Variants in DNM3 observed in about 807,000 individuals in gnomAD.
DNM3 encodes the protein dynamin 3.
A neutral mutation model predicts 101.6 loss-of-function variants in DNM3; 47 were observed. That is an observed-to-expected ratio of 0.46 (90% CI 0.37 to 0.59). The LOEUF (loss-of-function observed/expected upper bound fraction) is 0.59, where lower values mean the gene tolerates loss of function less well. DNM3 is among the 20% of genes least tolerant of loss of function. The pLI is 0.00. For synonymous variants in DNM3, 385 were observed against 387.9 expected (o/e 0.99, Z 0.09); for missense variants, 849 against 1,085.7 (o/e 0.78, Z 3.06).
chr1:171,905,190 T>A (rs1232011267), intron 1 of DNM3, among the ~76,000 whole-genome samples: 1 of 152,216 alleles, frequency 6.6e-6, no homozygotes, highest in Non-Finnish European at 1.5e-5. Flanking sequence ...CATGCATATG[T>A]TACTGTATAC....
intron 1 of DNM3, among the ~76,000 whole-genome samples, chr1:171,888,527 C>A (rs975146716): frequency 7.9e-5 from 12 of 152,064 alleles, no homozygotes; most frequent in African/African-American, 2.7e-4. Flanking sequence ...GCCTCCTGAC[C>A]TCGAGTAAAT....
At chr1:172,225,917 G>T (rs1323339680) in intron 14 of DNM3, among the ~76,000 whole-genome samples, 1 of 151,698 alleles carries the variant, frequency 6.6e-6, no homozygotes, top group African/African-American at 2.4e-5. Context: ...TCTACAATTT[G>T]ATTCTTTCAG....
chr1:172,361,311 G>A (rs976524154), intron 17 of DNM3, among the ~76,000 whole-genome samples: 1 of 151,982 alleles, frequency 6.6e-6, no homozygotes, highest in African/African-American at 2.4e-5. Context: ...AGGGAATGGT[G>A]ATGTCTGTCT....
chr1:172,138,817 C>T (rs767404661), intron 14 of DNM3: 4 of 457,346 alleles, frequency 8.7e-6, no homozygotes, highest in Non-Finnish European at 1.8e-5. Flanking sequence ...TGTCATGTGA[C>T]TGCCTGTCTG....
At chr1:172,387,443 G>A in intron 19 of DNM3, 84 bp downstream of exon 19, 1 of 1,097,120 alleles carries the variant, frequency 9.1e-7, no homozygotes, top group Non-Finnish European at 1.3e-6. Flanking sequence ...GGATCACGAG[G>A]TCAGGAGATC....
chr1:171,887,582 T>C (rs988308440), intron 1 of DNM3, among the ~76,000 whole-genome samples: 1 of 152,224 alleles, frequency 6.6e-6, no homozygotes, highest in African/African-American at 2.4e-5. Flanking sequence ...GATCTTTTTC[T>C]GATGATTTAT....
At chr1:172,274,717 G>A (rs2063212890) in intron 15 of DNM3, among the ~76,000 whole-genome samples, 1 of 115,236 alleles carries the variant, frequency 8.7e-6, no homozygotes, top group Admixed American at 1.1e-4. Context: ...ACCTTCTCTA[G>A]TGAAGGTTTT....
chr1:172,177,670 T>C (rs1244015118), intron 14 of DNM3, among the ~76,000 whole-genome samples: 1 of 151,266 alleles, frequency 6.6e-6, no homozygotes, highest in Non-Finnish European at 1.5e-5. Context: ...ACAATAGGAG[T>C]AAGGGAAGTA....
chr1:172,212,383 T>C (rs1207816170), intron 14 of DNM3, among the ~76,000 whole-genome samples: 2 of 152,168 alleles, frequency 1.3e-5, no homozygotes, highest in Non-Finnish European at 2.9e-5. Context: ...GTCAGGAGTT[T>C]TGAAGTTCTG....
intron 2 of DNM3, among the ~76,000 whole-genome samples, chr1:171,958,542 A>G (rs1187000641): frequency 6.6e-6 from 1 of 152,160 alleles, no homozygotes; most frequent in Non-Finnish European, 1.5e-5. Flanking sequence ...TTGGAGTGGG[A>G]TACACAAGGA....
Position 172,411,364 on chromosome 1 carries a change from A to C in DNM3, c.*3523A>C. On this transcript the variant is annotated 3_prime_UTR_variant, in exon 21 of 21. Coordinates refer to ENST00000627582, the MANE Select transcript of DNM3 (RefSeq NM_015569.5). ...GACATTTGTATCTGAATCCACAAGAAGATCTGAATCTAAGAAGGAATTACC... is the reference window on the plus strand; with the variant it reads ...GACATTTGTATCTGAATCCACAAGACGATCTGAATCTAAGAAGGAATTACC... The C allele has an allele frequency of 1.0e-6, 1 of 985,144 alleles. No individual in the cohort carries two copies. The highest frequency in any genetic ancestry group is 5.2e-4 in the Middle Eastern group (1 of 1,914). The allele number at this position is 985,144 out of a possible 1,614,324, so 61.0% of individuals were successfully genotyped here. A position where few individuals can be genotyped will look rare whatever the true frequency, so the allele number is the denominator to read the frequency against.
At chr1:172,394,576 C>CAAAT (rs1471957542) in intron 20 of DNM3, among the ~76,000 whole-genome samples, 1 of 152,186 alleles carries the variant, frequency 6.6e-6, no homozygotes, top group Admixed American at 6.5e-5. Context: ...CATCCCATGA[C>CAAAT]AAATAATAGC....
intron 2 of DNM3, among the ~76,000 whole-genome samples, chr1:171,945,561 A>T (rs776128997): frequency 6.6e-6 from 1 of 152,188 alleles, no homozygotes; most frequent in South Asian, 2.1e-4. Context: ...TCATTCAACA[A>T]TGAGGAAATG....
intron 14 of DNM3, among the ~76,000 whole-genome samples, chr1:172,228,817 G>A (rs1425592281): frequency 6.6e-6 from 1 of 152,096 alleles, no homozygotes; most frequent in Non-Finnish European, 1.5e-5. Flanking sequence ...ATGACCAGAT[G>A]TTTTTTAGTA....
chr1:172,317,716 G>A (rs1432422302), intron 16 of DNM3, among the ~76,000 whole-genome samples: 85 of 152,194 alleles, frequency 5.6e-4, no homozygotes, highest in Admixed American at 1.2e-3. Flanking sequence ...GAATAGACCA[G>A]TAACAGGCTC....
intron 12 of DNM3, 98 bp downstream of exon 12, chr1:172,082,000 A>G: frequency 1.6e-6 from 2 of 1,262,178 alleles, no homozygotes. Context: ...CTTTGAGAAT[A>G]CAATCTGTGC....
chr1:172,320,753 G>A (rs1430783583), intron 16 of DNM3, among the ~76,000 whole-genome samples: 1 of 152,114 alleles, frequency 6.6e-6, no homozygotes, highest in Non-Finnish European at 1.5e-5. Context: ...CACTCTGGGG[G>A]GATAGGCCAG....
chr1:172,312,693 A>G (rs2065133086), intron 16 of DNM3, among the ~76,000 whole-genome samples: 1 of 151,824 alleles, frequency 6.6e-6, no homozygotes, highest in Non-Finnish European at 1.5e-5. Context: ...CCCTTCATCC[A>G]TCACTATTAA....
At chr1:172,166,971 C>A (rs140224561) in intron 14 of DNM3, among the ~76,000 whole-genome samples, 2 of 151,398 alleles carry the variant, frequency 1.3e-5, no homozygotes. Flanking sequence ...GCACAACATG[C>A]AGGTTTGTTA....
Sources: allele counts gnomAD v4.1 joint callset (sites outside exome capture counted in the v4.1 genomes callset), GRCh38; gene constraint gnomAD v4.1.1; transcripts MANE v1.5; gene names NCBI Gene and HGNC (gene_info 2026-07-23, HGNC 2026-07-21).